Variants in NTM observed in about 807,000 individuals in gnomAD.
NTM encodes the protein IgLON family member 2.
In NTM, 13 loss-of-function variants were observed where a neutral mutation model predicts 42.1. The ratio of observed to expected loss-of-function variants is 0.31; its 90% confidence interval spans 0.20 to 0.49. The LOEUF is 0.49. Among genes scored for constraint, NTM ranks in the 20% least tolerant of loss-of-function variants. The probability of loss-of-function intolerance (pLI) is 0.99; values close to 1 mark genes in which losing one functional copy is unlikely to be tolerated. For missense variants in NTM, 373 were observed against 452.8 expected (o/e 0.82, Z 1.60); for synonymous variants, 187 against 179.2 (o/e 1.04, Z -0.35).
At position 131,834,398 on chromosome 11, in the gene NTM, C is replaced by T. The variant is rs560067629; in HGVS notation, c.83-77166C>T. ...ACTAATTACTGATTTATCCTTTACT[C>T]AGTCAATAAGTGTTTACTGAATTGT... On this transcript the variant is annotated intron_variant, in intron 1 of 8. Coordinates refer to ENST00000683400, the MANE Select transcript of NTM (RefSeq NM_001352005.2). Among the ~76,000 whole-genome samples, 4 of 152,072 alleles carry T rather than the reference C, an allele frequency of 2.6e-5. No homozygotes were observed. The East Asian group carries it at 7.7e-4, about 29-fold the overall frequency.
intron 4 of NTM, among the ~76,000 whole-genome samples, chr11:132,262,695 A>G (rs1474965507): frequency 1.3e-5 from 2 of 152,160 alleles, no homozygotes; most frequent in Non-Finnish European, 2.9e-5. Context: ...GGTCTTCAAC[A>G]TAGGAATTTT....
chr11:131,657,149 CCA>C (rs1491181712), intron 1 of NTM, among the ~76,000 whole-genome samples: 4 of 142,806 alleles, frequency 2.8e-5, no homozygotes, highest in African/African-American at 5.4e-5. Flanking sequence ...GAAGACCAGC[CCA>C]AAAAAAAAAA....
Position 132,052,556 on chromosome 11 carries a change from T to G in NTM, c.168-93726T>G, listed in dbSNP as rs377545831. The stretch of plus-strand genomic sequence containing the variant: ...CACCCTGTTCATTCCAGAAGAGTGA[T>G]AGATAATAACATTTTCCGGCAAGAA... On this transcript the variant is annotated intron_variant, in intron 2 of 8. Transcript: ENST00000683400. Among the ~76,000 whole-genome samples, 29 of 152,250 alleles carry G rather than the reference T, an allele frequency of 1.9e-4. 2 individuals are homozygous for G. In the South Asian group the frequency reaches 6.0e-3, roughly 32 times the overall value.
intron 3 of NTM, among the ~76,000 whole-genome samples, chr11:132,202,547 C>T (rs577182042): frequency 1.3e-5 from 2 of 152,276 alleles, no homozygotes; most frequent in Non-Finnish European, 2.9e-5. Context: ...CCTTATGTTT[C>T]CATGTTAAAA....
intron 1 of NTM, among the ~76,000 whole-genome samples, chr11:131,806,764 A>C (rs929387813): frequency 1.3e-5 from 2 of 152,114 alleles, no homozygotes; most frequent in Non-Finnish European, 1.5e-5. Context: ...ATATTAGAAA[A>C]ACCAGTCCAA....
chr11:131,724,482 G>C (rs1309125886), intron 1 of NTM, among the ~76,000 whole-genome samples: 1 of 152,116 alleles, frequency 6.6e-6, no homozygotes, highest in Non-Finnish European at 1.5e-5. Context: ...ACACAATGTG[G>C]TTTTATTATA....
At chr11:131,537,287 T>C (rs1413381536) in intron 1 of NTM, 1 of 151,852 alleles carries the variant, frequency 6.6e-6, no homozygotes, top group Non-Finnish European at 1.5e-5. Flanking sequence ...TGACAACCCC[T>C]GATAAAGACC....
At chr11:132,217,322 C>T (rs929871947) in intron 4 of NTM, among the ~76,000 whole-genome samples, 3 of 150,878 alleles carry the variant, frequency 2.0e-5, no homozygotes, top group African/African-American at 7.3e-5. Context: ...AAATTCAGTT[C>T]CACTCTTGTG....
At chr11:132,289,479 C>T (rs2094378566) in intron 4 of NTM, among the ~76,000 whole-genome samples, 1 of 152,112 alleles carries the variant, frequency 6.6e-6, no homozygotes, top group African/African-American at 2.4e-5. Flanking sequence ...TCCGTGATTT[C>T]CCCCTGCTCT....
rs562889938 is a variant in NTM, at chr11:132,218,956, T to G, written c.526+6809T>G. Among the ~76,000 whole-genome samples, 16 of 152,314 alleles carry G rather than the reference T, an allele frequency of 1.1e-4. No individual in the cohort carries two copies. The South Asian group carries it at 3.1e-3, about 30-fold the overall frequency. On this transcript the variant is annotated intron_variant, in intron 4 of 8. Transcript: ENST00000683400. ...CACTGGCTGGGTCATGCTGGAGTAG[T>G]GATAAACCTCTCTGAAGATGTGCTT...
At chr11:132,155,425 G>C (rs144516619) in intron 3 of NTM, among the ~76,000 whole-genome samples, 2 of 152,088 alleles carry the variant, frequency 1.3e-5, no homozygotes, top group Admixed American at 1.3e-4. Flanking sequence ...TCTTTCTATG[G>C]ATGCAATCCT....
chr11:131,888,674 A>T (rs1231561383), intron 1 of NTM, among the ~76,000 whole-genome samples: 1 of 152,184 alleles, frequency 6.6e-6, no homozygotes, highest in African/African-American at 2.4e-5. Flanking sequence ...TCTTGCTCCA[A>T]ATCCTGCCTC....
intron 2 of NTM, among the ~76,000 whole-genome samples, chr11:132,073,188 C>G (rs866109342): frequency 6.6e-6 from 1 of 152,026 alleles, no homozygotes. Context: ...GTATTAACAA[C>G]GAGGAGCCAA....
rs73593033 is a variant in NTM, at chr11:131,745,000, G to C, written c.83-166564G>C. On this transcript the variant is annotated intron_variant, in intron 1 of 8. Transcript: ENST00000683400. ...TGCTGACGCAGAAGGGTTAGACAGA[G>C]CTGCAAATGGTGATTCAACTGGAGC... 9.5e-3 allele frequency among the ~76,000 whole-genome samples: 1,443 copies of C among 152,330 alleles called. 24 individuals carry two copies. The highest frequency in any genetic ancestry group is 0.032 in the African/African-American group (1,346 of 41,576).
chr11:132,184,985 C>G (rs1449017215), intron 3 of NTM, among the ~76,000 whole-genome samples: 1 of 152,132 alleles, frequency 6.6e-6, no homozygotes, highest in Non-Finnish European at 1.5e-5. Context: ...TCTGCCACAG[C>G]ACGCTGGATT....
chr11:132,036,899 C>T (rs2076573594), intron 2 of NTM, among the ~76,000 whole-genome samples: 1 of 152,166 alleles, frequency 6.6e-6, no homozygotes. Context: ...GAAAGTGTGG[C>T]ATCCATATGG....
chr11:131,752,378 G>A (rs1591605388), intron 1 of NTM, among the ~76,000 whole-genome samples: 1 of 152,188 alleles, frequency 6.6e-6, no homozygotes, highest in South Asian at 2.1e-4. Context: ...TCATTAAAAA[G>A]TCAGGAAACA....
At position 131,678,527 on chromosome 11, in the gene NTM, C is replaced by T. The variant is rs565655645; in HGVS notation, c.83-233037C>T. ...AACAGATGCCCTTCCTCCTGTACTC[C>T]CTCTCCCAGTGTGGAGCTGTGAGAT... is the stretch of plus-strand genomic sequence containing the variant. On this transcript the variant is annotated intron_variant, in intron 1 of 8. Coordinates refer to ENST00000683400, the MANE Select transcript of NTM (RefSeq NM_001352005.2). Among the ~76,000 whole-genome samples the T allele has an allele frequency of 5.3e-4, 81 of 152,350 alleles. 1 individual carries two copies. Among genetic ancestry groups the T allele is most frequent in the African/African-American group, 1.9e-3 (78 of 41,580 alleles).
intron 4 of NTM, among the ~76,000 whole-genome samples, chr11:132,218,139 G>A (rs117835244): frequency 1.6e-4 from 25 of 152,216 alleles, no homozygotes; most frequent in African/African-American, 2.4e-4. Flanking sequence ...CCCGTGTGGC[G>A]CTGAGATCAT....
Sources: gnomAD v4.1 joint callset for allele counts (sites outside exome capture counted in the v4.1 genomes callset) on GRCh38, gnomAD v4.1.1 for gene constraint, MANE v1.5 for transcripts, NCBI Gene and HGNC (gene_info 2026-07-23, HGNC 2026-07-21) for gene names.